The following NDST4 variants were observed in gnomAD, a reference collection of about 807,000 sequenced individuals.
NDST4 encodes N-heparan sulfate sulfotransferase 4.
Under a neutral mutation model 100.8 loss-of-function variants are expected in NDST4, and 63 were observed. The ratio of observed to expected loss-of-function variants is 0.62; its 90% CI spans 0.51 to 0.77. The LOEUF is 0.77. Ranked by LOEUF, NDST4 falls within the 30% of genes least tolerant of loss-of-function variation. The probability of loss-of-function intolerance (pLI) is 0.00; values close to 1 mark genes in which losing one functional copy is unlikely to be tolerated. For missense variants in NDST4, 943 were observed against 1,018.4 expected (o/e 0.93, Z 1.01); for synonymous variants, 377 against 361.8 (o/e 1.04, Z -0.48).
At position 115,067,639 on chromosome 4, in the gene NDST4, A is replaced by T. The variant is rs149757347; in HGVS notation, c.978+8420T>A. 3.5e-3 allele frequency among the ~76,000 whole-genome samples: 535 copies of T among 152,010 alleles called. 3 individuals are homozygous for T. Among genetic ancestry groups the T allele is most frequent in the African/African-American group, 0.012 (509 of 41,514 alleles). On this transcript the variant is annotated intron_variant, in intron 2 of 13. Coordinates refer to ENST00000264363, the MANE Select transcript of NDST4 (RefSeq NM_022569.3). ...CTGTCTCCTGTTTAATGATATGATAATTCTTAAACATATTTTGACTGGAAT... is the reference window on the plus strand; with the variant it reads ...CTGTCTCCTGTTTAATGATATGATATTTCTTAAACATATTTTGACTGGAAT...
rs991124374 is a variant in NDST4 at position 114,885,915 on chromosome 4, G to C, written c.1537-14965C>G. Among the ~76,000 whole-genome samples the C allele has an allele frequency of 2.6e-5, 4 of 151,832 alleles. No individual in the cohort carries two copies. In the East Asian group the frequency reaches 7.7e-4, roughly 29 times the overall value. The stretch of plus-strand genomic sequence containing the variant: ...AACCACAAACTCAGTTGCATGTAAG[G>C]GACAAGCAATCAAGTTATAACTGAG... On this transcript the variant is annotated intron_variant, in intron 6 of 13. Transcript: ENST00000264363.
At chr4:115,046,968 G>A (rs1311794156) in intron 2 of NDST4, among the ~76,000 whole-genome samples, 1 of 151,890 alleles carries the variant, frequency 6.6e-6, no homozygotes, top group African/African-American at 2.4e-5. Flanking sequence ...CACTTTAACT[G>A]GAGTTAAAAG....
chr4:114,872,942 C>T (rs905321627), intron 6 of NDST4, among the ~76,000 whole-genome samples: 2 of 151,326 alleles, frequency 1.3e-5, no homozygotes, highest in Admixed American at 6.6e-5. Context: ...TTTTCAACAA[C>T]AACAAAAAAG....
chr4:114,897,720 C>T (rs1724746879), intron 6 of NDST4, among the ~76,000 whole-genome samples: 1 of 152,194 alleles, frequency 6.6e-6, no homozygotes, highest in African/African-American at 2.4e-5. Flanking sequence ...CATGTGGGTC[C>T]ACATCCTCAC....
intron 1 of NDST4, among the ~76,000 whole-genome samples, chr4:115,079,028 A>G (rs925023331): frequency 6.6e-6 from 1 of 152,078 alleles, no homozygotes; most frequent in Non-Finnish European, 1.5e-5. Flanking sequence ...GAATGAACTA[A>G]CACAGCATTA....
At chr4:115,044,123 G>A (rs922186101) in intron 2 of NDST4, among the ~76,000 whole-genome samples, 1 of 151,984 alleles carries the variant, frequency 6.6e-6, no homozygotes, top group African/African-American at 2.4e-5. Flanking sequence ...CAAATCTTGG[G>A]CAGAGACTGA....
At chr4:114,945,203 C>T (rs532436239) in intron 4 of NDST4, among the ~76,000 whole-genome samples, 7 of 88,332 alleles carry the variant, frequency 7.9e-5, no homozygotes, top group African/African-American at 2.8e-4. Flanking sequence ...AATGAAACTC[C>T]GTCTCAAAAA....
At chr4:114,872,113 A>G (rs1441188557) in intron 6 of NDST4, among the ~76,000 whole-genome samples, 1 of 151,956 alleles carries the variant, frequency 6.6e-6, no homozygotes, top group Non-Finnish European at 1.5e-5. Flanking sequence ...TCCAATGTTA[A>G]TTTTATTGAC....
At chr4:114,913,731 GAAAAAAAA>G (rs56189208) in intron 6 of NDST4, among the ~76,000 whole-genome samples, 26,421 of 126,086 alleles carry the variant, frequency 0.21, 3,865 homozygotes, top group African/African-American at 0.45. Flanking sequence ...CTATCTCCAA[GAAAAAAAA>G]AAAAAAAAAA....
chr4:114,872,248 A>C (rs1294360327), intron 6 of NDST4, among the ~76,000 whole-genome samples: 1 of 151,990 alleles, frequency 6.6e-6, no homozygotes, highest in East Asian at 1.9e-4. Flanking sequence ...AAATAATAGA[A>C]GCATTATCTT....
chr4:114,903,472 T>C lies in NDST4; in HGVS notation c.1536+31734A>G, dbSNP rs535765525. 1.3e-3 allele frequency among the ~76,000 whole-genome samples: 202 copies of C among 152,112 alleles called. 2 individuals are homozygous for C. In the South Asian group the frequency reaches 0.015, roughly 11 times the overall value. On this transcript the variant is annotated intron_variant, in intron 6 of 13. Transcript: ENST00000264363. ...CTTGTCTACTGAGCCTGTAGCAATTTGTCAAGTACAGTTCAGTTTTTCCTA... is the reference window on the plus strand; with the variant it reads ...CTTGTCTACTGAGCCTGTAGCAATTCGTCAAGTACAGTTCAGTTTTTCCTA...
At chr4:114,867,667 A>AAAAAAAAAAAAAAAAAAAAAAAAAAAG (rs1560786349) in intron 7 of NDST4, among the ~76,000 whole-genome samples, 1 of 111,240 alleles carries the variant, frequency 9.0e-6, no homozygotes, top group African/African-American at 4.0e-5. Flanking sequence ...AAAAAAAGCA[A>AAAAAAAAAAAAAAAAAAAAAAAAAAAG]AAAAAAAAAA....
chr4:115,003,522 T>A (rs1727343943), intron 2 of NDST4, among the ~76,000 whole-genome samples: 1 of 133,498 alleles, frequency 7.5e-6, no homozygotes, highest in Non-Finnish European at 1.6e-5. Flanking sequence ...CTTGTTGAAG[T>A]CACTGACAAA....
At chr4:114,866,122 TTACAGAACTCCTATTTCC>T (rs1383562529) in intron 7 of NDST4, among the ~76,000 whole-genome samples, 2 of 152,238 alleles carry the variant, frequency 1.3e-5, no homozygotes, top group African/African-American at 4.8e-5. Flanking sequence ...AAAAGTGCTA[TTACAGAACTCCTATTTCC>T]CCAGCAATGG....
intron 2 of NDST4, among the ~76,000 whole-genome samples, chr4:115,007,238 G>T (rs1727439650): frequency 6.6e-6 from 1 of 152,056 alleles, no homozygotes; most frequent in Middle Eastern, 3.2e-3. Flanking sequence ...ACAGACTATG[G>T]AACCAGTAAA....
intron 7 of NDST4, 73 bp downstream of exon 7, chr4:114,870,695 C>T (rs1724128673): frequency 7.7e-7 from 1 of 1,295,138 alleles, no homozygotes; most frequent in Non-Finnish European, 1.1e-6. Flanking sequence ...CAGCAGAGTG[C>T]CTAACACAAA....
Position 114,903,548 on chromosome 4 carries a change from G to T in NDST4, c.1536+31658C>A, listed in dbSNP as rs114235881. Among the ~76,000 whole-genome samples, 1,509 of 152,070 alleles carry T rather than the reference G, an allele frequency of 9.9e-3. 18 individuals are homozygous for T. The highest frequency in any genetic ancestry group is 0.034 in the Middle Eastern group (10 of 294). Reference sequence around the variant, plus strand: ...TTCTGCTTGGGAGGTTTCTGTTCCAGTAAGTTGTAATTATTTGTATTTGCA... The same window carrying T: ...TTCTGCTTGGGAGGTTTCTGTTCCATTAAGTTGTAATTATTTGTATTTGCA... On this transcript the variant is annotated intron_variant, in intron 6 of 13. Transcript: ENST00000264363.
chr4:114,870,574 A>G (rs114180084), intron 7 of NDST4, among the ~76,000 whole-genome samples, 194 bp downstream of exon 7: 1,756 of 152,244 alleles, frequency 0.012, 21 homozygotes, highest in Middle Eastern at 0.041. Flanking sequence ...AAACCCAGAA[A>G]AGCAAGCAAA....
At chr4:115,094,452 C>CA (rs953819046) in intron 1 of NDST4, among the ~76,000 whole-genome samples, 5 of 151,398 alleles carry the variant, frequency 3.3e-5, no homozygotes, top group East Asian at 1.9e-4. Context: ...AGAGAAAACA[C>CA]AAAAAAAATT....
Sources: allele counts gnomAD v4.1 joint callset (sites outside exome capture counted in the v4.1 genomes callset), GRCh38; gene constraint gnomAD v4.1.1; transcripts MANE v1.5; gene names NCBI Gene and HGNC (gene_info 2026-07-23, HGNC 2026-07-21).